The following DACH1 variants were observed in gnomAD, a reference collection of about 807,000 sequenced individuals.
The protein encoded by DACH1 is dachshund homolog 1.
In DACH1, 12 loss-of-function variants were observed where a neutral mutation model predicts 54.2. The ratio of observed to expected loss-of-function variants is 0.22; its 90% CI spans 0.14 to 0.36. DACH1 has a LOEUF of 0.36. DACH1 is among the 10% of genes least tolerant of loss of function. The pLI is 1.00. For missense variants in DACH1, 805 were observed against 929.8 expected, an observed-to-expected ratio of 0.87 and a Z score of 1.75; for synonymous variants, 386 against 366.2, an observed-to-expected ratio of 1.05 and a Z score of -0.62.
intron 1 of DACH1, among the ~76,000 whole-genome samples, chr13:71,741,474 T>G (rs1884384435): frequency 6.6e-6 from 1 of 152,180 alleles, no homozygotes; most frequent in Non-Finnish European, 1.5e-5. Flanking sequence ...GATTGGGACA[T>G]TTTATTAGGG....
At chr13:71,476,789 A>G (rs1877558411) in intron 8 of DACH1, among the ~76,000 whole-genome samples, 1 of 151,940 alleles carries the variant, frequency 6.6e-6, no homozygotes, top group African/African-American at 2.4e-5. Context: ...CTTTTACTAC[A>G]TATATATGTA....
Position 71,779,302 on chromosome 13 carries a change from T to TATATACGTATATACATATATATAC in DACH1, c.848+86619_848+86620insGTATATATATGTATATACGTATAT, listed in dbSNP as rs1566495341. On this transcript the variant is annotated intron_variant, in intron 1 of 10. Transcript: ENST00000613252. ...ATATACGTATATATACACATATATATATTTATATACATATATATATAACAT... is the reference window on the plus strand; with the variant it reads ...ATATACGTATATATACACATATATATATATACGTATATACATATATATACATTTATATACATATATATATAACAT... Among the ~76,000 whole-genome samples the TATATACGTATATACATATATATAC allele has an allele frequency of 6.2e-5, 4 of 64,576 alleles. 1 individual carries two copies. The highest frequency in any genetic ancestry group is 4.0e-4 in the African/African-American group (4 of 9,966). 42.4% of individuals were successfully genotyped at this position (64,576 alleles called of 152,430 possible). A position where few individuals can be genotyped will look rare whatever the true frequency, so the allele number is the denominator to read the frequency against.
At chr13:71,590,657 A>G (rs907548539) in intron 3 of DACH1, among the ~76,000 whole-genome samples, 3 of 152,178 alleles carry the variant, frequency 2.0e-5, no homozygotes, top group African/African-American at 7.2e-5. Context: ...AGAAAAGTTT[A>G]GTAAATATTC....
At chr13:71,530,140 C>T (rs902802480) in intron 6 of DACH1, among the ~76,000 whole-genome samples, 2 of 152,076 alleles carry the variant, frequency 1.3e-5, no homozygotes, top group African/African-American at 2.4e-5. Context: ...TAACACAACA[C>T]CATCATTGAA....
rs116846609 is a variant in DACH1 at position 71,441,282 on chromosome 13, A to G, written c.2084-590T>C. 4.5e-3 allele frequency among the ~76,000 whole-genome samples: 678 copies of G among 152,212 alleles called. 4 individuals are homozygous for G. The highest frequency in any genetic ancestry group is 7.6e-3 in the Non-Finnish European group (517 of 67,930). On this transcript the variant is annotated intron_variant, in intron 10 of 10. Coordinates refer to ENST00000613252, the MANE Select transcript of DACH1 (RefSeq NM_080759.6). ...AAATGTAAACACTGTATATTATTCA[A>G]CTTTTACTAATGAGCAAACACACAG...
At chr13:71,523,716 CCAATGTGTGATCA>C (rs1212789777) in intron 6 of DACH1, among the ~76,000 whole-genome samples, 2 of 152,060 alleles carry the variant, frequency 1.3e-5, no homozygotes, top group East Asian at 3.9e-4. Flanking sequence ...GAAAAGTTCC[CCAATGTGTGATCA>C]CAAGTTATAA....
chr13:71,866,844 GAA>G lies in DACH1; in HGVS notation c.-77_-76del. ...CCACACACCCCCGGGAGGGGAAGGG[GAA>G]AAAAGGGGGGAGAAGGAGCGAGGGG... On this transcript the variant is annotated 5_prime_UTR_variant, in exon 1 of 11. Coordinates refer to ENST00000613252, the MANE Select transcript of DACH1 (RefSeq NM_080759.6). The G allele has an allele frequency of 9.1e-7, 1 of 1,093,354 alleles. No homozygotes were observed. Among genetic ancestry groups the G allele is most frequent in the Non-Finnish European group, 1.1e-6 (1 of 884,630 alleles). 67.7% of individuals were successfully genotyped at this position (1,093,354 alleles called of 1,614,324 possible).
chr13:71,682,657 G>A (rs1295055710), intron 1 of DACH1, among the ~76,000 whole-genome samples: 1 of 152,032 alleles, frequency 6.6e-6, no homozygotes, highest in Non-Finnish European at 1.5e-5. Context: ...TACTTGAAAG[G>A]CTTAGGATTA....
At chr13:71,785,962 T>A (rs1886574751) in intron 1 of DACH1, among the ~76,000 whole-genome samples, 1 of 152,066 alleles carries the variant, frequency 6.6e-6, no homozygotes, top group Admixed American at 6.6e-5. Context: ...GAGCATACCT[T>A]TCAAGGGAGC....
intron 1 of DACH1, among the ~76,000 whole-genome samples, chr13:71,823,086 T>C (rs184504671): frequency 2.6e-5 from 4 of 152,224 alleles, no homozygotes; most frequent in Non-Finnish European, 4.4e-5. Flanking sequence ...ATGAGTATGA[T>C]TAACTGTGTT....
At chr13:71,615,196 T>C (rs1875670750) in intron 3 of DACH1, among the ~76,000 whole-genome samples, 1 of 152,196 alleles carries the variant, frequency 6.6e-6, no homozygotes, top group Admixed American at 6.5e-5. Context: ...TGTTAAAGTA[T>C]AAATAAAATA....
intron 10 of DACH1, among the ~76,000 whole-genome samples, chr13:71,446,811 C>G (rs921074150): frequency 1.3e-5 from 2 of 152,184 alleles, no homozygotes; most frequent in Admixed American, 6.5e-5. Flanking sequence ...ATTGGTCAAA[C>G]TGAAATCAGA....
chr13:71,456,652 T>G (rs1875590109), intron 10 of DACH1, among the ~76,000 whole-genome samples: 2 of 152,088 alleles, frequency 1.3e-5, no homozygotes, highest in South Asian at 4.1e-4. Flanking sequence ...AATGCTGATT[T>G]TATCTTAAAA....
chr13:71,448,772 GT>G (rs1405006036), intron 10 of DACH1, among the ~76,000 whole-genome samples: 1 of 148,764 alleles, frequency 6.7e-6, no homozygotes, highest in African/African-American at 2.5e-5. Flanking sequence ...TCAAAGCTGT[GT>G]TTAAATATAA....
chr13:71,619,920 C>T (rs925226064), intron 3 of DACH1, among the ~76,000 whole-genome samples: 31 of 151,724 alleles, frequency 2.0e-4, no homozygotes, highest in African/African-American at 7.5e-4. Flanking sequence ...ATAGCTTTTT[C>T]TCTTGATATA....
At chr13:71,825,059 T>C (rs1410746008) in intron 1 of DACH1, among the ~76,000 whole-genome samples, 1 of 152,092 alleles carries the variant, frequency 6.6e-6, no homozygotes, top group Non-Finnish European at 1.5e-5. Context: ...AAGAGAGCTA[T>C]TAATTTATTA....
chr13:71,496,305 A>T (rs1477598899), intron 6 of DACH1, among the ~76,000 whole-genome samples: 1 of 133,282 alleles, frequency 7.5e-6, no homozygotes, highest in East Asian at 2.2e-4. Context: ...ATATATATAT[A>T]TACACACACA....
chr13:71,651,547 G>A (rs936737487), intron 2 of DACH1, among the ~76,000 whole-genome samples: 2 of 152,104 alleles, frequency 1.3e-5, no homozygotes, highest in Non-Finnish European at 2.9e-5. Flanking sequence ...TGTAGTCCCA[G>A]CTACTTGGGA....
chr13:71,653,209 C>T (rs1169843029), intron 2 of DACH1, among the ~76,000 whole-genome samples: 2 of 152,114 alleles, frequency 1.3e-5, no homozygotes, highest in Non-Finnish European at 2.9e-5. Context: ...ACAATAAACC[C>T]CGCCCCTAAA....
Sources: allele counts gnomAD v4.1 joint callset (sites outside exome capture counted in the v4.1 genomes callset), GRCh38; gene constraint gnomAD v4.1.1; transcripts MANE v1.5; gene names NCBI Gene and HGNC (gene_info 2026-07-23, HGNC 2026-07-21).